The following SLC10A7 variants were observed in gnomAD, a reference collection of about 807,000 sequenced individuals.
SLC10A7 encodes the protein solute carrier family 10 member 7, also known as sodium/bile acid cotransporter 7.
A neutral mutation model predicts 43.2 loss-of-function variants in SLC10A7; 29 were observed. That is an observed-to-expected ratio of 0.67 (90% CI 0.50 to 0.92). The LOEUF is 0.92. SLC10A7 is among the 40% of genes least tolerant of loss of function. The pLI is 0.00. For missense variants in SLC10A7, 295 were observed against 403.2 expected (o/e 0.73, Z 2.30); for synonymous variants, 152 against 144.8 (o/e 1.05, Z -0.35).
chr4:146,356,293 T>A (rs72950697), intron 5 of SLC10A7, among the ~76,000 whole-genome samples: 1,667 of 152,252 alleles, frequency 0.011, 25 homozygotes, highest in African/African-American at 0.038. Flanking sequence ...CTGTTTACTA[T>A]GTGAAAGGTG....
rs79135318 is a variant in SLC10A7 at position 146,330,224 on chromosome 4, A to T, written c.436-4228T>A. On this transcript the variant is annotated intron_variant, in intron 5 of 11. Coordinates refer to ENST00000335472, the MANE Select transcript of SLC10A7 (RefSeq NM_001029998.6). ...TAGCTGCATCAAAATACAAACAAAA[A>T]GCCCCAAATAACAGCAAGACAACAA... Among the ~76,000 whole-genome samples the T allele has an allele frequency of 4.1e-3, 618 of 152,332 alleles. 3 individuals carry two copies. The highest frequency in any genetic ancestry group is 0.014 in the African/African-American group (587 of 41,570).
At chr4:146,279,366 G>T (rs1232715244) in intron 10 of SLC10A7, among the ~76,000 whole-genome samples, 1 of 152,164 alleles carries the variant, frequency 6.6e-6, no homozygotes, top group Non-Finnish European at 1.5e-5. Context: ...TAAGATGGTA[G>T]TAAAATGCCA....
chr4:146,291,639 T>G (rs1315015471), intron 9 of SLC10A7, among the ~76,000 whole-genome samples: 1 of 152,172 alleles, frequency 6.6e-6, no homozygotes, highest in African/African-American at 2.4e-5. Context: ...TCACCATATC[T>G]TGATTTTTGT....
intron 5 of SLC10A7, among the ~76,000 whole-genome samples, chr4:146,355,527 T>C (rs914640888): frequency 1.3e-5 from 2 of 151,436 alleles, no homozygotes; most frequent in Non-Finnish European, 3.0e-5. Context: ...GACCCAGCCA[T>C]CCCATTACTG....
intron 4 of SLC10A7, among the ~76,000 whole-genome samples, chr4:146,446,536 A>G (rs1288503706): frequency 6.6e-6 from 1 of 150,534 alleles, no homozygotes; most frequent in Non-Finnish European, 1.5e-5. Context: ...AGATTGTACC[A>G]CTGCATTCCA....
chr4:146,294,429 T>C (rs1215274792), intron 7 of SLC10A7, among the ~76,000 whole-genome samples: 2 of 152,168 alleles, frequency 1.3e-5, no homozygotes, highest in East Asian at 3.9e-4. Context: ...TCCTAATGGA[T>C]GTGTGTAATT....
At chr4:146,344,549 G>A (rs1242576767) in intron 5 of SLC10A7, among the ~76,000 whole-genome samples, 1 of 151,898 alleles carries the variant, frequency 6.6e-6, no homozygotes, top group African/African-American at 2.4e-5. Flanking sequence ...GGTGTGGCCT[G>A]GGGACCTACG....
rs949316358 is a variant in SLC10A7, at chr4:146,361,309, A to G, written c.436-35313T>C. 3.3e-5 allele frequency among the ~76,000 whole-genome samples: 5 copies of G among 152,302 alleles called. No homozygotes were observed. In the South Asian group the frequency reaches 6.2e-4, roughly 19 times the overall value. On this transcript the variant is annotated intron_variant, in intron 5 of 11. Coordinates refer to ENST00000335472, the MANE Select transcript of SLC10A7 (RefSeq NM_001029998.6). ...ATTTTGTGATTTATTGTTCAATGAGAAATATAACAGATAATCAAAATGCAA... is the reference window on the plus strand; with the variant it reads ...ATTTTGTGATTTATTGTTCAATGAGGAATATAACAGATAATCAAAATGCAA...
chr4:146,361,617 G>C (rs890130913), intron 5 of SLC10A7, among the ~76,000 whole-genome samples: 3 of 152,140 alleles, frequency 2.0e-5, no homozygotes, highest in Non-Finnish European at 4.4e-5. Flanking sequence ...AGAAGGATGA[G>C]TACAAACAGG....
intron 5 of SLC10A7, among the ~76,000 whole-genome samples, chr4:146,366,784 A>AT (rs1447379459): frequency 6.6e-6 from 1 of 152,108 alleles, no homozygotes; most frequent in African/African-American, 2.4e-5. Context: ...AAAAGTATTT[A>AT]TTTTCCCTTC....
intron 9 of SLC10A7, 58 bp downstream of exon 9, chr4:146,292,871 G>A: frequency 1.6e-6 from 2 of 1,248,322 alleles, no homozygotes; most frequent in South Asian, 1.3e-5. Context: ...TAGTAGCCAA[G>A]TAGACCGCAT....
chr4:146,299,277 C>T lies in SLC10A7; in HGVS notation c.556-5182G>A, dbSNP rs982755935. On this transcript the variant is annotated intron_variant, in intron 7 of 11. Coordinates refer to ENST00000335472, the MANE Select transcript of SLC10A7 (RefSeq NM_001029998.6). ...TCCTCTGAACTAGCACATATGTGTA[C>T]GGCTAACAGGGTCCTCAAAGATTAC... 1.2e-4 allele frequency among the ~76,000 whole-genome samples: 19 copies of T among 152,174 alleles called. 1 individual carries two copies. Among genetic ancestry groups the T allele is most frequent in the South Asian group, 4.1e-4 (2 of 4,828 alleles).
At chr4:146,461,078 T>A (rs1281301935) in intron 4 of SLC10A7, among the ~76,000 whole-genome samples, 1 of 152,002 alleles carries the variant, frequency 6.6e-6, no homozygotes, top group Non-Finnish European at 1.5e-5. Flanking sequence ...TCTTTTCACG[T>A]CATTATTTTC....
intron 5 of SLC10A7, among the ~76,000 whole-genome samples, chr4:146,403,199 G>T (rs995998024): frequency 6.6e-6 from 1 of 152,124 alleles, no homozygotes; most frequent in African/African-American, 2.4e-5. Flanking sequence ...AACTTACCCT[G>T]CTTGGGACCT....
chr4:146,507,115 G>A (rs1293916216), intron 3 of SLC10A7, among the ~76,000 whole-genome samples: 3 of 152,148 alleles, frequency 2.0e-5, no homozygotes, highest in Non-Finnish European at 4.4e-5. Context: ...TTACCATGCT[G>A]TACAATAGAT....
intron 6 of SLC10A7, among the ~76,000 whole-genome samples, chr4:146,310,785 T>C (rs1258696764): frequency 1.3e-5 from 2 of 151,990 alleles, no homozygotes; most frequent in Non-Finnish European, 2.9e-5. Flanking sequence ...TAGCTAGAAA[T>C]TGACAGAGAC....
Position 146,386,796 on chromosome 4 carries a change from T to C in SLC10A7, c.435+55987A>G, listed in dbSNP as rs139880287. Among the ~76,000 whole-genome samples the C allele has an allele frequency of 2.5e-3, 385 of 152,334 alleles. 1 individual carries two copies. Among genetic ancestry groups the C allele is most frequent in the Non-Finnish European group, 4.4e-3 (299 of 68,024 alleles). On this transcript the variant is annotated intron_variant, in intron 5 of 11. Transcript: ENST00000335472. ...TATATGTGCCTCTTTTTATACTACA[T>C]ACTGCTTTCTTCTTGGAAGGACAAT...
At chr4:146,376,439 C>G (rs1316540834) in intron 5 of SLC10A7, among the ~76,000 whole-genome samples, 1 of 151,972 alleles carries the variant, frequency 6.6e-6, no homozygotes, top group Non-Finnish European at 1.5e-5. Context: ...CCCTGGCCCA[C>G]CACACCCCCC....
At chr4:146,449,088 G>A (rs1731353235) in intron 4 of SLC10A7, among the ~76,000 whole-genome samples, 1 of 152,108 alleles carries the variant, frequency 6.6e-6, no homozygotes, top group Admixed American at 6.5e-5. Context: ...TTAGTGAGAG[G>A]ACAAATTCCA....
Sources: allele counts gnomAD v4.1 joint callset (sites outside exome capture counted in the v4.1 genomes callset), GRCh38; gene constraint gnomAD v4.1.1; transcripts MANE v1.5; gene names NCBI Gene and HGNC (gene_info 2026-07-23, HGNC 2026-07-21).